Variants in PLCB1 observed in about 807,000 individuals in gnomAD.
PLCB1 encodes the protein 1-phosphatidylinositol 4,5-bisphosphate phosphodiesterase beta-1.
In PLCB1, 46 loss-of-function variants were observed where a neutral mutation model predicts 161.8. The observed-to-expected ratio is 0.28, with a 90% CI of 0.22 to 0.36. The LOEUF (loss-of-function observed/expected upper bound fraction) is 0.36, where lower values mean the gene tolerates loss of function less well. PLCB1 is among the 10% of genes least tolerant of loss of function. The pLI is 1.00. For missense variants in PLCB1, 1,016 were observed against 1,472.5 expected (o/e 0.69, Z 5.07); for synonymous variants, 517 against 503.7 (o/e 1.03, Z -0.35).
intron 3 of PLCB1, among the ~76,000 whole-genome samples, chr20:8,380,526 A>G (rs969359242): frequency 1.2e-4 from 18 of 152,164 alleles, no homozygotes; most frequent in African/African-American, 3.6e-4. Flanking sequence ...GAATCTATAA[A>G]TTATTTTGGG....
At chr20:8,804,520 C>T (rs778377133) in intron 31 of PLCB1, among the ~76,000 whole-genome samples, 1 of 151,936 alleles carries the variant, frequency 6.6e-6, no homozygotes. Context: ...AAAGAAAATC[C>T]CATTATAGCA....
chr20:8,155,200 C>T (rs2051546767), intron 2 of PLCB1, among the ~76,000 whole-genome samples: 1 of 152,164 alleles, frequency 6.6e-6, no homozygotes, highest in Non-Finnish European at 1.5e-5. Flanking sequence ...GCCTTTCTTA[C>T]TTTGTGGTTC....
chr20:8,474,600 G>A (rs967557553), intron 3 of PLCB1, among the ~76,000 whole-genome samples: 36 of 152,110 alleles, frequency 2.4e-4, no homozygotes, highest in Non-Finnish European at 5.1e-4. Context: ...GCCCTCATAA[G>A]GGACTGACTA....
Position 8,399,561 on chromosome 20 carries a change from A to G in PLCB1, c.246+28111A>G, listed in dbSNP as rs6055794. Among the ~76,000 whole-genome samples the G allele has an allele frequency of 2.5e-3, 383 of 152,296 alleles. 2 individuals are homozygous for G. Among genetic ancestry groups the G allele is most frequent in the African/African-American group, 8.8e-3 (367 of 41,580 alleles). ...AAGTGGATTCTTATTCTAGAATAAC[A>G]AAACAATTAGAAATTGGCATTTTTT... On this transcript the variant is annotated intron_variant, in intron 3 of 31. Transcript: ENST00000338037.
intron 2 of PLCB1, among the ~76,000 whole-genome samples, chr20:8,164,804 C>A (rs2051659455): frequency 6.6e-6 from 1 of 152,166 alleles, no homozygotes; most frequent in African/African-American, 2.4e-5. Flanking sequence ...CAGTGAAGAA[C>A]CAAGTCCTTA....
At chr20:8,840,067 C>T (rs1439026686) in intron 31 of PLCB1, among the ~76,000 whole-genome samples, 2 of 151,850 alleles carry the variant, frequency 1.3e-5, no homozygotes, top group African/African-American at 4.8e-5. Context: ...TGGACTCTAA[C>T]CTAATCAGGG....
At chr20:8,453,608 C>T (rs1981169299) in intron 3 of PLCB1, among the ~76,000 whole-genome samples, 1 of 152,012 alleles carries the variant, frequency 6.6e-6, no homozygotes, top group South Asian at 2.1e-4. Context: ...CAATTAACTA[C>T]ATAATATAAT....
chr20:8,181,248 C>CAAAAAAAAAAAAAA (rs60871672), intron 2 of PLCB1, among the ~76,000 whole-genome samples: 13 of 81,222 alleles, frequency 1.6e-4, no homozygotes, highest in East Asian at 4.7e-4. Flanking sequence ...GACTCTGTCT[C>CAAAAAAAAAAAAAA]AAAAAAAAAA....
chr20:8,508,792 A>G (rs1297426416), intron 3 of PLCB1, among the ~76,000 whole-genome samples: 1 of 152,030 alleles, frequency 6.6e-6, no homozygotes. Context: ...TTTGAATTAT[A>G]TATATATATA....
chr20:8,188,241 A>G (rs2051927578), intron 2 of PLCB1, among the ~76,000 whole-genome samples: 1 of 152,160 alleles, frequency 6.6e-6, no homozygotes, highest in African/African-American at 2.4e-5. Flanking sequence ...GCACAAGTAC[A>G]TTTGAAATCT....
At chr20:8,524,723 C>T (rs1984512427) in intron 3 of PLCB1, among the ~76,000 whole-genome samples, 1 of 152,194 alleles carries the variant, frequency 6.6e-6, no homozygotes, top group African/African-American at 2.4e-5. Flanking sequence ...TTCATTGACA[C>T]TCTTTGTAAG....
intron 3 of PLCB1, among the ~76,000 whole-genome samples, chr20:8,505,218 A>G (rs143951697): frequency 2.0e-5 from 3 of 152,292 alleles, no homozygotes; most frequent in Non-Finnish European, 2.9e-5. Context: ...GGGAGGACCA[A>G]TGGCAATTCT....
intron 10 of PLCB1, among the ~76,000 whole-genome samples, chr20:8,696,300 C>T (rs1046002339): frequency 6.6e-6 from 1 of 152,136 alleles, no homozygotes; most frequent in Admixed American, 6.5e-5. Flanking sequence ...TGTTGAAAGC[C>T]AGTTGACCAT....
Position 8,775,008 on chromosome 20 carries a change from A to T in PLCB1, c.3111+289A>T, listed in dbSNP as rs140488228. Among the ~76,000 whole-genome samples the T allele has an allele frequency of 2.3e-3, 341 of 151,410 alleles. 2 individuals carry two copies. The highest frequency in any genetic ancestry group is 0.02 in the Admixed American group (302 of 15,222). ...TGCTTTTGGGAATCTTTGAAATCTC[A>T]TAAGCAAATAGAAAACACTTATCTT... On this transcript the variant is annotated intron_variant, in intron 27 of 31. Transcript: ENST00000338037.
intron 12 of PLCB1, among the ~76,000 whole-genome samples, chr20:8,710,502 C>CT (rs1177302486): frequency 0.014 from 977 of 71,470 alleles, 155 homozygotes; most frequent in Non-Finnish European, 0.015. Context: ...CTTGAGGATG[C>CT]TTTTTTTTTT....
chr20:8,667,440 C>T (rs1462404863), intron 9 of PLCB1, among the ~76,000 whole-genome samples: 2 of 152,186 alleles, frequency 1.3e-5, no homozygotes, highest in African/African-American at 4.8e-5. Context: ...CATTGTGGAT[C>T]TATTGTTCAT....
chr20:8,233,129 T>C (rs757866958), intron 2 of PLCB1, among the ~76,000 whole-genome samples: 7 of 152,134 alleles, frequency 4.6e-5, no homozygotes, highest in Non-Finnish European at 8.8e-5. Flanking sequence ...ATCCTACTTA[T>C]CACAAAACCG....
intron 31 of PLCB1, among the ~76,000 whole-genome samples, chr20:8,790,650 T>A: frequency 6.6e-6 from 1 of 152,136 alleles, no homozygotes; most frequent in East Asian, 1.9e-4. Context: ...CCACCCTCTG[T>A]CCAGCAGAGG....
chr20:8,477,882 G>A (rs551755651), intron 3 of PLCB1, among the ~76,000 whole-genome samples: 197 of 152,286 alleles, frequency 1.3e-3, no homozygotes, highest in African/African-American at 4.6e-3. Flanking sequence ...TCGGCTTAAC[G>A]TTTGGATGGG....
Sources: gnomAD v4.1 joint callset for allele counts (sites outside exome capture counted in the v4.1 genomes callset) on GRCh38, gnomAD v4.1.1 for gene constraint, MANE v1.5 for transcripts, NCBI Gene and HGNC (gene_info 2026-07-23, HGNC 2026-07-21) for gene names.